Variants in EIF1AX observed in about 807,000 individuals in gnomAD.
EIF1AX encodes the protein eukaryotic translation initiation factor 1A X-linked, also known as eukaryotic translation initiation factor 1A, X-chromosomal.
In EIF1AX, 1 loss-of-function variant was observed where a neutral mutation model predicts 16.1. The ratio of observed to expected loss-of-function variants is 0.06; its 90% CI spans 0.02 to 0.30. EIF1AX has a LOEUF of 0.30. Among genes scored for constraint, EIF1AX ranks in the 10% least tolerant of loss-of-function variants. EIF1AX has a pLI of 1.00. For synonymous variants in EIF1AX, 32 were observed against 37.3 expected (o/e 0.86, Z 0.51); for missense variants, 11 against 109.1 (o/e 0.10, Z 4.00).
chrX:20,137,354 G>A (rs935904055), intron 2 of EIF1AX, among the ~76,000 whole-genome samples: 1 of 111,264 alleles, frequency 9.0e-6, no homozygotes, highest in Non-Finnish European at 1.9e-5. Flanking sequence ...GCTGAGGCAG[G>A]AGAATGGCGT....
In EIF1AX at chrX:20,135,728, T is replaced by A. The variant is rs1282376842; in HGVS notation, c.204+10A>T. ...CAATTTTATATTAAAGTAAAACAAA[T>A]CACACCTACCTTTTTTCTCAATTTT... On this transcript the variant is annotated intron_variant, in intron 3 of 6. Coordinates refer to ENST00000379607, the MANE Select transcript of EIF1AX (RefSeq NM_001412.4). 8.6e-7 allele frequency: 1 copy of A among 1,164,439 alleles called. No homozygotes were observed. Among genetic ancestry groups the A allele is most frequent in the African/African-American group, 1.8e-5 (1 of 56,289 alleles).
At chrX:20,131,529 G>A (rs996004189) in intron 5 of EIF1AX, among the ~76,000 whole-genome samples, 19 of 109,666 alleles carry the variant, frequency 1.7e-4, no homozygotes, top group Non-Finnish European at 3.4e-4. Flanking sequence ...CTGCTTTGGA[G>A]GCTGAGAATC....
chrX:20,129,040 T>G (rs111992396), intron 6 of EIF1AX, among the ~76,000 whole-genome samples: 4 of 111,075 alleles, frequency 3.6e-5, no homozygotes, highest in Non-Finnish European at 7.5e-5. Context: ...TACCAAAGAA[T>G]AGAATTGTTA....
In EIF1AX at chrX:20,124,815, T is replaced by C. The variant is rs1024160005; in HGVS notation, c.*3491A>G. 1.4e-5 allele frequency: 2 copies of C among 145,445 alleles called. No homozygotes were observed. The highest frequency in any genetic ancestry group is 2.7e-5 in the Non-Finnish European group (2 of 73,296). 12.0% of individuals were successfully genotyped at this position (145,445 alleles called of 1,213,427 possible). ...TAGTCTTATGCCAAATTAAATGAGT[T>C]TGGTAGCAATTTCAAATACTATGTT... On this transcript the variant is annotated 3_prime_UTR_variant, in exon 7 of 7. Transcript: ENST00000379607.
chrX:20,132,300 T>A (rs773839557), intron 4 of EIF1AX, 37 bp from the exon 5 acceptor site: 13 of 878,004 alleles, frequency 1.5e-5, no homozygotes, highest in Non-Finnish European at 2.1e-5. Flanking sequence ...AAACTGATCA[T>A]AACAAAATAT....
At position 20,132,295 on chromosome X, in the gene EIF1AX, GATC is replaced by G. The variant is rs757044902; in HGVS notation, c.256-35_256-33del. On this transcript the variant is annotated intron_variant, in intron 4 of 6. Transcript: ENST00000379607. ...TAGAGACAAATAACTTTAAAAAACT[GATC>G]ATAACAAAATATTATCAGTTATTTC... The G allele has an allele frequency of 1.2e-5, 11 of 937,856 alleles. No individual in the cohort carries two copies. The African/African-American group carries it at 2.1e-4, about 18-fold the overall frequency. 77.3% of individuals were successfully genotyped at this position (937,856 alleles called of 1,213,427 possible).
chrX:20,130,053 G>A (rs2066996478), intron 6 of EIF1AX, among the ~76,000 whole-genome samples: 1 of 110,985 alleles, frequency 9.0e-6, no homozygotes. Flanking sequence ...TGCAACCCCA[G>A]CACTTTGGGA....
intron 6 of EIF1AX, among the ~76,000 whole-genome samples, 194 bp from the exon 7 acceptor site, chrX:20,128,505 A>T (rs2148606509): frequency 8.9e-6 from 1 of 112,237 alleles, no homozygotes; most frequent in South Asian, 3.7e-4. Context: ...CATGTTATGC[A>T]AAATATTCTT....
chrX:20,133,905 G>A, intron 4 of EIF1AX, 52 bp downstream of exon 4: 1 of 976,102 alleles, frequency 1.0e-6, no homozygotes, highest in Non-Finnish European at 1.4e-6. Flanking sequence ...TTAAGAAATG[G>A]CTCATCAAAT....
chrX:20,138,249 C>T (rs758653706), intron 2 of EIF1AX, among the ~76,000 whole-genome samples: 2 of 109,423 alleles, frequency 1.8e-5, no homozygotes, highest in South Asian at 7.9e-4. Context: ...GTGATCCGCC[C>T]GCCTTGGCCT....
chrX:20,130,655 C>CA, intron 5 of EIF1AX, 48 bp from the exon 6 acceptor site: 1 of 1,094,085 alleles, frequency 9.1e-7, no homozygotes, highest in Non-Finnish European at 1.2e-6. Context: ...GTAATTTACT[C>CA]AAAGTTTCAT....
chrX:20,129,294 T>C (rs1219489338), intron 6 of EIF1AX, among the ~76,000 whole-genome samples: 1 of 111,756 alleles, frequency 8.9e-6, no homozygotes, highest in African/African-American at 3.3e-5. Flanking sequence ...ATGTTATTTA[T>C]GTAGAGACAA....
chrX:20,134,415 A>G (rs1364972268), intron 3 of EIF1AX, among the ~76,000 whole-genome samples: 2 of 110,216 alleles, frequency 1.8e-5, no homozygotes, highest in African/African-American at 6.6e-5. Context: ...AACTTCTTTA[A>G]AAGAAAAAAA....
intron 6 of EIF1AX, among the ~76,000 whole-genome samples, chrX:20,129,365 C>A (rs2066994450): frequency 9.0e-6 from 1 of 111,653 alleles, no homozygotes; most frequent in Non-Finnish European, 1.9e-5. Context: ...CCTCCCCTAT[C>A]AGTCTCCTGA....
chrX:20,135,879 C>T (rs2067015209), intron 2 of EIF1AX, 38 bp from the exon 3 acceptor site: 2 of 1,024,141 alleles, frequency 2.0e-6, no homozygotes, highest in Non-Finnish European at 2.7e-6. Flanking sequence ...GAATATTGTT[C>T]AACTTTTGAT....
intron 1 of EIF1AX, 48 bp downstream of exon 1, chrX:20,141,577 G>T: frequency 8.8e-7 from 1 of 1,142,755 alleles, no homozygotes. Context: ...CAGGACCTGG[G>T]AGACCCGGCC....
chrX:20,129,323 A>T (rs1473315366), intron 6 of EIF1AX, among the ~76,000 whole-genome samples: 1 of 111,727 alleles, frequency 9.0e-6, no homozygotes, highest in African/African-American at 3.3e-5. Flanking sequence ...TATGTTACCC[A>T]GGCTGGTCTT....
chrX:20,141,127 T>C (rs2067032694), intron 1 of EIF1AX, among the ~76,000 whole-genome samples: 1 of 111,932 alleles, frequency 8.9e-6, no homozygotes, highest in African/African-American at 3.2e-5. Flanking sequence ...TTTCACCCAC[T>C]GTTCACAAGG....
At chrX:20,130,026 G>A (rs1401897988) in intron 6 of EIF1AX, among the ~76,000 whole-genome samples, 1 of 111,242 alleles carries the variant, frequency 9.0e-6, no homozygotes, top group Non-Finnish European at 1.9e-5. Context: ...ATAGGGCCGG[G>A]CATGGTGGCT....
Sources: gnomAD v4.1 joint callset for allele counts (sites outside exome capture counted in the v4.1 genomes callset) on GRCh38, gnomAD v4.1.1 for gene constraint, MANE v1.5 for transcripts, NCBI Gene and HGNC (gene_info 2026-07-23, HGNC 2026-07-21) for gene names.